The following DRC8 variants were observed in gnomAD, a reference collection of about 807,000 sequenced individuals.
DRC8 encodes dynein regulatory complex protein 8.
the DRC8 span, among the ~76,000 whole-genome samples, chr1:245,108,334 G>A: frequency 1.3e-5 from 2 of 152,208 alleles, no homozygotes; most frequent in South Asian, 2.1e-4. Context: ...AGTTCTTCAC[G>A]TTTTTTGAAT....
At chr1:244,970,866 T>G in the DRC8 span, 1 of 236,634 alleles carries the variant, frequency 4.2e-6, no homozygotes, top group Non-Finnish European at 8.2e-6. Flanking sequence ...AATGGCGTCG[T>G]TGTTCACGGT....
the DRC8 span, among the ~76,000 whole-genome samples, chr1:244,983,581 A>G: frequency 1.4e-4 from 21 of 151,976 alleles, no homozygotes; most frequent in Non-Finnish European, 2.4e-4. Flanking sequence ...CTCTACTAAA[A>G]ATACAAAAAT....
the DRC8 span, among the ~76,000 whole-genome samples, chr1:244,975,817 A>T: frequency 2.0e-5 from 3 of 152,126 alleles, no homozygotes; most frequent in Admixed American, 6.6e-5. Context: ...CTGAGATCAC[A>T]CTACTGCACT....
chr1:244,975,597 G>A, the DRC8 span, among the ~76,000 whole-genome samples: 4 of 152,218 alleles, frequency 2.6e-5, no homozygotes, highest in East Asian at 1.9e-4. Context: ...GCCGGCTCAC[G>A]CCTGTAATCC....
chr1:245,059,585 T>C, the DRC8 span: 6 of 668,770 alleles, frequency 9.0e-6, no homozygotes, highest in Non-Finnish European at 1.5e-5. Context: ...TCAGTGGAAA[T>C]ATTAGGATAA....
At chr1:244,977,972 G>C in the DRC8 span, among the ~76,000 whole-genome samples, 1 of 152,110 alleles carries the variant, frequency 6.6e-6, no homozygotes, top group Non-Finnish European at 1.5e-5. Context: ...TGATAGCAGG[G>C]TGATTAGACT....
At chr1:245,010,426 AT>A in the DRC8 span, among the ~76,000 whole-genome samples, 3 of 152,160 alleles carry the variant, frequency 2.0e-5, no homozygotes, top group Non-Finnish European at 2.9e-5. Flanking sequence ...AGAAGACCAC[AT>A]GATATGTCAC....
the DRC8 span, among the ~76,000 whole-genome samples, chr1:245,025,968 T>A: frequency 6.6e-6 from 1 of 152,224 alleles, no homozygotes; most frequent in Non-Finnish European, 1.5e-5. Flanking sequence ...CCTCTTTTTC[T>A]TTATAAATTA....
chr1:245,107,898 G>A, the DRC8 span, among the ~76,000 whole-genome samples: 3 of 152,028 alleles, frequency 2.0e-5, no homozygotes, highest in Non-Finnish European at 4.4e-5. Context: ...TCCTCACCTC[G>A]TCACCGCTCT....
At chr1:244,986,545 C>T in the DRC8 span, among the ~76,000 whole-genome samples, 7 of 152,168 alleles carry the variant, frequency 4.6e-5, no homozygotes, top group African/African-American at 1.7e-4. Context: ...GCTTTTTAAA[C>T]AGGGAAATGA....
chr1:245,073,326 T>G, the DRC8 span, among the ~76,000 whole-genome samples: 1 of 152,074 alleles, frequency 6.6e-6, no homozygotes, highest in Non-Finnish European at 1.5e-5. Context: ...AGTAGAGGTG[T>G]GGTTTCACCA....
the DRC8 span, among the ~76,000 whole-genome samples, chr1:244,993,350 T>C: frequency 6.6e-6 from 1 of 152,180 alleles, no homozygotes; most frequent in Non-Finnish European, 1.5e-5. Context: ...CCCACTAGAA[T>C]GGGCCTTCCG....
At chr1:245,086,700 A>G in the DRC8 span, 1 of 532,536 alleles carries the variant, frequency 1.9e-6, no homozygotes, top group East Asian at 5.5e-5. Flanking sequence ...AAATCATAAC[A>G]CGTTTCATTC....
chr1:245,075,184 C>T, the DRC8 span, among the ~76,000 whole-genome samples: 12 of 152,076 alleles, frequency 7.9e-5, no homozygotes, highest in Non-Finnish European at 1.6e-4. Flanking sequence ...AAAGAGATGG[C>T]CTGATGATTT....
At chr1:245,009,319 C>T in the DRC8 span, among the ~76,000 whole-genome samples, 1 of 152,044 alleles carries the variant, frequency 6.6e-6, no homozygotes, top group Non-Finnish European at 1.5e-5. Flanking sequence ...AGGCATAAGC[C>T]ACTGTGCCCG....
the DRC8 span, among the ~76,000 whole-genome samples, chr1:244,985,080 T>TG: frequency 0.19 from 7,392 of 38,158 alleles, 587 homozygotes; most frequent in African/African-American, 0.31. Context: ...TCCAGGGTTT[T>TG]TTTTTTTTTT....
the DRC8 span, among the ~76,000 whole-genome samples, chr1:245,034,624 A>G: frequency 6.9e-6 from 1 of 144,442 alleles, no homozygotes; most frequent in Non-Finnish European, 1.5e-5. Context: ...AAAAAAAAAA[A>G]AAAGAAAAGA....
chr1:245,124,129 G>GC, the DRC8 span: 1 of 197,132 alleles, frequency 5.1e-6, no homozygotes, highest in Admixed American at 4.6e-5. Flanking sequence ...GATTCCAAAA[G>GC]CTTTCAGAGC....
the DRC8 span, among the ~76,000 whole-genome samples, chr1:245,106,958 C>T: frequency 0.018 from 2,702 of 152,226 alleles, 93 homozygotes; most frequent in African/African-American, 0.06. Flanking sequence ...GCAGGAGAAT[C>T]GCTGGAACCC....
Sources: gnomAD v4.1 joint callset for allele counts (sites outside exome capture counted in the v4.1 genomes callset) on GRCh38, gnomAD v4.1.1 for gene constraint, MANE v1.5 for transcripts, NCBI Gene and HGNC (gene_info 2026-07-23, HGNC 2026-07-21) for gene names.